The following PDE8A variants were observed in gnomAD, a reference collection of about 807,000 sequenced individuals.
PDE8A encodes the protein high affinity cAMP-specific and IBMX-insensitive 3',5'-cyclic phosphodiesterase 8A.
In PDE8A, 59 loss-of-function variants were observed where a neutral mutation model predicts 105.0. The ratio of observed to expected loss-of-function variants is 0.56; its 90% CI spans 0.46 to 0.70. The LOEUF (loss-of-function observed/expected upper bound fraction) is 0.70. Among genes scored for constraint, PDE8A ranks in the 30% least tolerant of loss-of-function variants. The pLI is 0.00. For synonymous variants in PDE8A, 355 were observed against 371.9 expected (o/e 0.95, Z 0.52); for missense variants, 1,014 against 1,045.9 (o/e 0.97, Z 0.42).
At position 84,982,176 on chromosome 15, in the gene PDE8A, CG is replaced by C; in HGVS notation, c.15del (p.Ser6AlafsTer58). ...GCCGCCGCCAGCATGGGCTGTGCCC[CG>C]AGCATCCACATTTCCGAGCGCCTGG... MGCA[P>X]SIHISERLVA... On this transcript the variant is annotated frameshift_variant, in exon 1 of 22. Transcript: ENST00000394553. LOFTEE classifies it high-confidence loss of function. The C allele has an allele frequency of 1.4e-6, 2 of 1,478,180 alleles. No individual in the cohort carries two copies. The highest frequency in any genetic ancestry group is 4.7e-5 in the Admixed American group (2 of 42,702). 91.6% of individuals were successfully genotyped at this position (1,478,180 alleles called of 1,614,324 possible). A position where few individuals can be genotyped will look rare whatever the true frequency, so the allele number is the denominator to read the frequency against.
rs566012248 is a variant in PDE8A, at chr15:85,089,984, A to T, written c.714+568A>T. On this transcript the variant is annotated intron_variant, in intron 7 of 21. Transcript: ENST00000394553. ...CAAAAAAGGGAGTTGCACCAGAAAA[A>T]GACATTCATTTTGTCTGAGAATTAG... Among the ~76,000 whole-genome samples, 4 of 152,374 alleles carry T rather than the reference A, an allele frequency of 2.6e-5. No individual in the cohort carries two copies. In the East Asian group the frequency reaches 7.7e-4, roughly 29 times the overall value.
At chr15:85,072,824 C>T (rs1378538214) in intron 3 of PDE8A, among the ~76,000 whole-genome samples, 1 of 152,118 alleles carries the variant, frequency 6.6e-6, no homozygotes, top group East Asian at 1.9e-4. Context: ...TAAGACTTTC[C>T]CAGTGAGGCC....
chr15:85,044,975 C>T (rs2080864679), intron 1 of PDE8A, among the ~76,000 whole-genome samples: 1 of 151,894 alleles, frequency 6.6e-6, no homozygotes, highest in Non-Finnish European at 1.5e-5. Context: ...TTGTATGGCC[C>T]CTGCTTAGCT....
chr15:85,083,053 G>C (rs921464768), intron 5 of PDE8A, among the ~76,000 whole-genome samples: 6 of 152,238 alleles, frequency 3.9e-5, no homozygotes, highest in Admixed American at 3.9e-4. Context: ...TTGGAGGTTA[G>C]TTCAGGAAAA....
At chr15:85,097,241 A>ACC (rs1016154112) in intron 8 of PDE8A, among the ~76,000 whole-genome samples, 1 of 152,056 alleles carries the variant, frequency 6.6e-6, no homozygotes, top group African/African-American at 2.4e-5. Context: ...GGCTTTCCCT[A>ACC]CCACCCCAAG....
intron 1 of PDE8A, among the ~76,000 whole-genome samples, chr15:84,999,277 T>C (rs1453558313): frequency 4.0e-5 from 6 of 151,660 alleles, no homozygotes; most frequent in Admixed American, 2.6e-4. Flanking sequence ...CCTGCCACCA[T>C]GCCTAGCTAA....
intron 1 of PDE8A, among the ~76,000 whole-genome samples, chr15:85,032,937 G>T (rs2080639785): frequency 6.6e-6 from 1 of 152,104 alleles, no homozygotes; most frequent in South Asian, 2.1e-4. Flanking sequence ...AAGCCATTTT[G>T]TTTATGGAGG....
At chr15:85,106,427 A>G (rs985509840) in intron 11 of PDE8A, among the ~76,000 whole-genome samples, 1 of 152,012 alleles carries the variant, frequency 6.6e-6, no homozygotes, top group African/African-American at 2.4e-5. Flanking sequence ...CACCTCCCTA[A>G]TGCCTAGCTT....
intron 6 of PDE8A, among the ~76,000 whole-genome samples, chr15:85,087,767 G>A (rs2081578665): frequency 6.6e-6 from 1 of 152,150 alleles, no homozygotes; most frequent in Non-Finnish European, 1.5e-5. Flanking sequence ...AATGTATAGT[G>A]TGCCAGTGAG....
At chr15:84,991,060 C>A (rs769088166) in intron 1 of PDE8A, among the ~76,000 whole-genome samples, 1 of 151,872 alleles carries the variant, frequency 6.6e-6, no homozygotes, top group Admixed American at 6.6e-5. Context: ...TATTTTAATA[C>A]TTTTTTATTA....
chr15:84,986,531 G>A (rs975407245), intron 1 of PDE8A, among the ~76,000 whole-genome samples: 2 of 151,664 alleles, frequency 1.3e-5, no homozygotes, highest in African/African-American at 4.9e-5. Context: ...AAAGTTTAGT[G>A]GTTTCCAAAT....
rs758947847 is a variant in PDE8A at position 85,109,112 on chromosome 15, G to T, written c.1096G>T (p.Ala366Ser). The change falls in exon 12 of 22, where the codon GCC becomes TCC. Residue 366 changes from alanine (A) to serine (S), a missense_variant. Transcript: ENST00000394553. ...RKGSLDVKAV[A>S]SRATEVSSQR... ...AGGCTCACTAGACGTCAAAGCTGTT[G>T]CCTCCCGTGCAACTGAAGGTGAGTG... 6.2e-7 allele frequency: 1 copy of T among 1,610,696 alleles called. No individual in the cohort carries two copies. Among genetic ancestry groups the T allele is most frequent in the East Asian group, 2.2e-5 (1 of 44,866 alleles).
At chr15:85,025,305 A>C (rs1402805203) in intron 1 of PDE8A, among the ~76,000 whole-genome samples, 1 of 152,004 alleles carries the variant, frequency 6.6e-6, no homozygotes, top group African/African-American at 2.4e-5. Flanking sequence ...GAAGTGACCT[A>C]CTTTCTTGAG....
At chr15:85,126,632 G>A (rs2141636819) in intron 20 of PDE8A, among the ~76,000 whole-genome samples, 1 of 151,734 alleles carries the variant, frequency 6.6e-6, no homozygotes, top group Middle Eastern at 3.4e-3. Context: ...CTTTTAAGGA[G>A]TCATCTGGTC....
chr15:85,069,209 A>T (rs2081276581), intron 3 of PDE8A, among the ~76,000 whole-genome samples: 1 of 152,214 alleles, frequency 6.6e-6, no homozygotes, highest in African/African-American at 2.4e-5. Flanking sequence ...TAACAATTTT[A>T]TATAGTTTTA....
At chr15:85,074,933 C>G (rs969256965) in intron 3 of PDE8A, among the ~76,000 whole-genome samples, 1 of 152,166 alleles carries the variant, frequency 6.6e-6, no homozygotes, top group Non-Finnish European at 1.5e-5. Flanking sequence ...GGTTATGTTC[C>G]TCTACATTCT....
At chr15:85,042,963 C>T (rs962145056) in intron 1 of PDE8A, among the ~76,000 whole-genome samples, 5 of 152,204 alleles carry the variant, frequency 3.3e-5, no homozygotes, top group African/African-American at 2.4e-5. Flanking sequence ...TTGTCATTCT[C>T]ATTGTAATCT....
At chr15:85,055,196 TTC>T (rs1475648257) in intron 1 of PDE8A, among the ~76,000 whole-genome samples, 2 of 152,242 alleles carry the variant, frequency 1.3e-5, no homozygotes, top group African/African-American at 4.8e-5. Context: ...ATAATTTCTG[TTC>T]TTTTACATTT....
At chr15:85,135,994 G>A (rs1013062952) in intron 20 of PDE8A, among the ~76,000 whole-genome samples, 22 of 152,134 alleles carry the variant, frequency 1.4e-4, no homozygotes, top group Admixed American at 1.4e-3. Context: ...CTTCAAGCCA[G>A]GTGGAAGGAC....
Sources: allele counts gnomAD v4.1 joint callset (sites outside exome capture counted in the v4.1 genomes callset), GRCh38; gene constraint gnomAD v4.1.1; transcripts MANE v1.5; gene names NCBI Gene and HGNC (gene_info 2026-07-23, HGNC 2026-07-21).